KCNQ5: variants seen among roughly 807,000 people sequenced by gnomAD.
The protein encoded by KCNQ5 is potassium voltage-gated channel subfamily KQT member 5.
KCNQ5 carries 30 observed loss-of-function variants against 98.2 expected under a neutral mutation model. That is an observed-to-expected ratio of 0.31 (90% CI 0.23 to 0.41). KCNQ5 has a LOEUF of 0.41. KCNQ5 is among the 10% of genes least tolerant of loss of function. The pLI is 1.00. For synonymous variants in KCNQ5, 458 were observed against 449.4 expected (o/e 1.02, Z -0.24); for missense variants, 835 against 1,182.5 (o/e 0.71, Z 4.31).
At chr6:72,884,928 A>G (rs1778794678) in intron 1 of KCNQ5, among the ~76,000 whole-genome samples, 1 of 152,102 alleles carries the variant, frequency 6.6e-6, no homozygotes, top group African/African-American at 2.4e-5. Context: ...AGATAATTTA[A>G]ATTTTTAAAA....
At chr6:73,181,325 T>A (rs996782295) in intron 11 of KCNQ5, among the ~76,000 whole-genome samples, 2 of 152,234 alleles carry the variant, frequency 1.3e-5, no homozygotes, top group Non-Finnish European at 2.9e-5. Flanking sequence ...TTTTGCTCTT[T>A]GCTGCTGTAT....
At chr6:73,137,250 T>A (rs1776511267) in intron 10 of KCNQ5, among the ~76,000 whole-genome samples, 1 of 152,220 alleles carries the variant, frequency 6.6e-6, no homozygotes, top group East Asian at 1.9e-4. Flanking sequence ...CTTGCTATAA[T>A]TTTTAATAAG....
intron 1 of KCNQ5, among the ~76,000 whole-genome samples, chr6:72,939,302 A>T (rs544149712): frequency 6.6e-6 from 1 of 152,248 alleles, no homozygotes; most frequent in East Asian, 1.9e-4. Context: ...GAGACTGCCA[A>T]CCCACCACAG....
chr6:72,969,112 C>A (rs957556962), intron 1 of KCNQ5, among the ~76,000 whole-genome samples: 1 of 152,098 alleles, frequency 6.6e-6, no homozygotes, highest in Non-Finnish European at 1.5e-5. Flanking sequence ...TTAAAAGTGG[C>A]AAATTCAGGT....
chr6:72,834,368 G>A (rs1286720824), intron 1 of KCNQ5, among the ~76,000 whole-genome samples: 3 of 152,164 alleles, frequency 2.0e-5, no homozygotes, highest in Admixed American at 2.0e-4. Flanking sequence ...TCCAGTAAGA[G>A]GTTTAGTGTT....
At chr6:72,950,164 C>G (rs924934621) in intron 1 of KCNQ5, among the ~76,000 whole-genome samples, 1 of 152,156 alleles carries the variant, frequency 6.6e-6, no homozygotes, top group Non-Finnish European at 1.5e-5. Flanking sequence ...AAGAATTTTG[C>G]CTGCTAGAAG....
chr6:73,098,944 A>C (rs1295411030), intron 5 of KCNQ5, among the ~76,000 whole-genome samples: 1 of 152,200 alleles, frequency 6.6e-6, no homozygotes, highest in African/African-American at 2.4e-5. Context: ...ACAGCTTTTC[A>C]AGATATACAC....
In KCNQ5 at chr6:73,056,336, G is replaced by A. The variant is rs1193478051; in HGVS notation, c.616+14274G>A. The stretch of plus-strand genomic sequence containing the variant: ...CAACTGTTTCCTCCCTGACCCCAGA[G>A]GAACTGGCTCTAGAAGGTTGGGATC... On this transcript the variant is annotated intron_variant, in intron 3 of 13. Transcript: ENST00000370398. Among the ~76,000 whole-genome samples, 7 of 152,010 alleles carry A rather than the reference G, an allele frequency of 4.6e-5. No homozygotes were observed. In the South Asian group the frequency reaches 1.5e-3, roughly 32 times the overall value.
intron 1 of KCNQ5, among the ~76,000 whole-genome samples, chr6:72,995,385 A>T (rs1338496418): frequency 1.3e-5 from 2 of 151,444 alleles, no homozygotes; most frequent in Non-Finnish European, 2.9e-5. Context: ...AAAAAAAAAA[A>T]GGGAAAGAAC....
chr6:72,927,377 T>A (rs936801395), intron 1 of KCNQ5, among the ~76,000 whole-genome samples: 2 of 152,158 alleles, frequency 1.3e-5, no homozygotes, highest in African/African-American at 4.8e-5. Context: ...TTGATTTGTT[T>A]ATACTACAAA....
intron 1 of KCNQ5, among the ~76,000 whole-genome samples, chr6:72,979,208 G>A (rs963635291): frequency 1.3e-5 from 2 of 152,166 alleles, no homozygotes; most frequent in Non-Finnish European, 2.9e-5. Flanking sequence ...GGGAATGCTG[G>A]GTGAAATGGT....
At chr6:72,750,122 T>TA (rs1322790459) in intron 1 of KCNQ5, among the ~76,000 whole-genome samples, 4 of 152,002 alleles carry the variant, frequency 2.6e-5, no homozygotes. Flanking sequence ...TGGGGAGACT[T>TA]ATGAGACAAA....
At position 72,893,037 on chromosome 6, in the gene KCNQ5, A is replaced by G. The variant is rs534037915; in HGVS notation, c.399-110871A>G. Among the ~76,000 whole-genome samples, 6 of 152,296 alleles carry G rather than the reference A, an allele frequency of 3.9e-5. No individual in the cohort carries two copies. In the South Asian group the frequency reaches 8.3e-4, roughly 21 times the overall value. On this transcript the variant is annotated intron_variant, in intron 1 of 13. Transcript: ENST00000370398. ...ATTTGCCTACCCCAGAACATTCCATATTGTGTAAAATTTTTCCATGCATGT... is the reference window on the plus strand; with the variant it reads ...ATTTGCCTACCCCAGAACATTCCATGTTGTGTAAAATTTTTCCATGCATGT...
intron 10 of KCNQ5, among the ~76,000 whole-genome samples, chr6:73,148,937 A>AC (rs1777032186): frequency 6.6e-6 from 1 of 152,172 alleles, no homozygotes; most frequent in South Asian, 2.1e-4. Context: ...CCTCAGGAAA[A>AC]ATAGTTTTTT....
At chr6:73,123,330 T>TATC (rs1366461882) in intron 8 of KCNQ5, among the ~76,000 whole-genome samples, 13 of 152,030 alleles carry the variant, frequency 8.6e-5, no homozygotes, top group Non-Finnish European at 1.3e-4. Context: ...TTATCAACAA[T>TATC]ATCATCATCA....
chr6:73,031,364 T>C (rs114188440), intron 2 of KCNQ5, among the ~76,000 whole-genome samples: 3 of 152,338 alleles, frequency 2.0e-5, no homozygotes, highest in African/African-American at 7.2e-5. Flanking sequence ...ATTAGTGTCA[T>C]AAAGCTGAAT....
chr6:72,867,250 C>T (rs149598462), intron 1 of KCNQ5, among the ~76,000 whole-genome samples: 194 of 152,228 alleles, frequency 1.3e-3, no homozygotes, highest in African/African-American at 4.5e-3. Context: ...TCTTTATACT[C>T]CTCTTTAAAA....
At chr6:72,944,898 A>C (rs887934893) in intron 1 of KCNQ5, among the ~76,000 whole-genome samples, 3 of 152,148 alleles carry the variant, frequency 2.0e-5, no homozygotes, top group South Asian at 2.1e-4. Flanking sequence ...CATTCTCCTC[A>C]TTGCTGCGTG....
chr6:72,697,174 T>A lies in KCNQ5; in HGVS notation c.398+74587T>A, dbSNP rs576747727. On this transcript the variant is annotated intron_variant, in intron 1 of 13. Transcript: ENST00000370398. ...ATTCTCCTCAAGAATCATTGAGCGA[T>A]CTTTTCCCTGTGAAACGGTACTTCA... Among the ~76,000 whole-genome samples the A allele has an allele frequency of 6.6e-5, 10 of 152,348 alleles. No individual in the cohort carries two copies. In the South Asian group the frequency reaches 1.9e-3, roughly 28 times the overall value.
Sources: gnomAD v4.1 joint callset for allele counts (sites outside exome capture counted in the v4.1 genomes callset) on GRCh38, gnomAD v4.1.1 for gene constraint, MANE v1.5 for transcripts, NCBI Gene and HGNC (gene_info 2026-07-23, HGNC 2026-07-21) for gene names.